Variants in NEBL observed in about 807,000 individuals in gnomAD.
NEBL encodes the protein LIM and SH3 protein 2.
A neutral mutation model predicts 140.2 loss-of-function variants in NEBL; 122 were observed. The ratio of observed to expected loss-of-function variants is 0.87; its 90% CI spans 0.75 to 1.01. The LOEUF (loss-of-function observed/expected upper bound fraction) is 1.01, where lower values mean the gene tolerates loss of function less well. Ranked by LOEUF, NEBL falls within the 50% of genes least tolerant of loss-of-function variation. The pLI is 0.00. For synonymous variants in NEBL, 436 were observed against 398.9 expected, an observed-to-expected ratio of 1.09 and a Z score of -1.11; for missense variants, 1,365 against 1,231.3, an observed-to-expected ratio of 1.11 and a Z score of -1.62.
chr10:21,047,326 C>T lies in NEBL; in HGVS notation c.165-27125G>A, dbSNP rs1390748149. On this transcript the variant is annotated intron_variant, in intron 2 of 6. Transcript: ENST00000417816. ...CTGCCAATACTTGAACAAGTCACAT[C>T]CTTCCTGGGAGCTCTGTGCCCTAGG... Among the ~76,000 whole-genome samples the T allele has an allele frequency of 2.6e-5, 4 of 152,274 alleles. No individual in the cohort carries two copies. In the South Asian group the frequency reaches 6.2e-4, roughly 24 times the overall value.
intron 4 of NEBL, among the ~76,000 whole-genome samples, chr10:20,934,908 T>C (rs1374433800): frequency 6.6e-6 from 1 of 152,142 alleles, no homozygotes; most frequent in Non-Finnish European, 1.5e-5. Flanking sequence ...GGAAGAGAGA[T>C]CTAGGACAGT....
chr10:21,013,574 A>G (rs866081317), intron 3 of NEBL, among the ~76,000 whole-genome samples: 3 of 152,212 alleles, frequency 2.0e-5, no homozygotes, highest in South Asian at 2.1e-4. Flanking sequence ...AAGTTGTCCA[A>G]TGAGATAAGA....
At chr10:21,149,649 C>A (rs1277020486) in intron 2 of NEBL, among the ~76,000 whole-genome samples, 1 of 152,168 alleles carries the variant, frequency 6.6e-6, no homozygotes, top group Non-Finnish European at 1.5e-5. Flanking sequence ...GTTCTGTGAG[C>A]CACTCTAGCA....
At chr10:21,077,531 T>G (rs1231613212) in intron 2 of NEBL, among the ~76,000 whole-genome samples, 2 of 151,830 alleles carry the variant, frequency 1.3e-5, no homozygotes, top group Non-Finnish European at 2.9e-5. Flanking sequence ...GGCGTGAACC[T>G]GGGAGGTGGA....
intron 2 of NEBL, among the ~76,000 whole-genome samples, chr10:21,080,397 A>T (rs1836310688): frequency 6.6e-6 from 1 of 152,170 alleles, no homozygotes; most frequent in Non-Finnish European, 1.5e-5. Flanking sequence ...GGCGAATTTC[A>T]TTTTTGGGAA....
chr10:20,964,776 T>G (rs1836218983), intron 3 of NEBL, among the ~76,000 whole-genome samples: 1 of 151,984 alleles, frequency 6.6e-6, no homozygotes, highest in East Asian at 1.9e-4. Context: ...AATAATGAAG[T>G]CAACACAGAG....
chr10:21,214,265 T>G (rs1002887601), intron 3 of NEBL, among the ~76,000 whole-genome samples: 6 of 151,012 alleles, frequency 4.0e-5, no homozygotes, highest in African/African-American at 1.5e-4. Flanking sequence ...AATTAAAAAT[T>G]TGTATCTTGC....
chr10:20,997,285 C>T (rs1378594362), intron 3 of NEBL, among the ~76,000 whole-genome samples: 1 of 151,882 alleles, frequency 6.6e-6, no homozygotes, highest in Non-Finnish European at 1.5e-5. Flanking sequence ...CAATCTCTGA[C>T]CACAGCCAGT....
rs147439249 is a variant in NEBL at position 21,077,254 on chromosome 10, A to G, written c.165-57053T>C. Among the ~76,000 whole-genome samples, 1,178 of 152,226 alleles carry G rather than the reference A, an allele frequency of 7.7e-3. 52 individuals carry two copies. The East Asian group carries it at 0.11, about 14-fold the overall frequency. On this transcript the variant is annotated intron_variant, in intron 2 of 6. Transcript: ENST00000417816. ...AATAAAAAATCAAAGGAATTGGGGGAAGAAAAGCTTTGTTCCTCACTCCCT... is the reference window on the plus strand; with the variant it reads ...AATAAAAAATCAAAGGAATTGGGGGGAGAAAAGCTTTGTTCCTCACTCCCT...
At chr10:21,116,981 G>A (rs549646604) in intron 2 of NEBL, among the ~76,000 whole-genome samples, 6 of 152,084 alleles carry the variant, frequency 3.9e-5, no homozygotes, top group East Asian at 1.9e-4. Context: ...CTGAATGACC[G>A]GTAATTTTTA....
At chr10:20,895,436 T>C (rs1222200309) in intron 2 of NEBL, among the ~76,000 whole-genome samples, 8 of 152,194 alleles carry the variant, frequency 5.3e-5, no homozygotes, top group Admixed American at 5.2e-4. Context: ...TCTGCTTAAC[T>C]GTGTGACCCA....
At chr10:21,273,565 T>C (rs74123927) in intron 1 of NEBL, among the ~76,000 whole-genome samples, 5,219 of 151,270 alleles carry the variant, frequency 0.035, 277 homozygotes, top group African/African-American at 0.12. Flanking sequence ...AAGTGGACAG[T>C]CCCTCCCTAT....
chr10:21,186,873 GA>G (rs111427206), intron 3 of NEBL, among the ~76,000 whole-genome samples: 1 of 150,650 alleles, frequency 6.6e-6, no homozygotes. Context: ...AATGACAAGG[GA>G]AAAAAAAGCC....
chr10:21,104,084 CT>C (rs1837599898), intron 2 of NEBL, among the ~76,000 whole-genome samples: 1 of 152,186 alleles, frequency 6.6e-6, no homozygotes, highest in Non-Finnish European at 1.5e-5. Context: ...AACTTGGTGT[CT>C]TTGTGGAAAA....
chr10:20,866,187 A>AT (rs1220530299), intron 7 of NEBL, among the ~76,000 whole-genome samples: 16 of 152,014 alleles, frequency 1.1e-4, no homozygotes, highest in East Asian at 3.9e-4. Context: ...TTTTATCATT[A>AT]TTTTTTCATA....
chr10:20,975,617 C>G (rs1190096854), intron 3 of NEBL, among the ~76,000 whole-genome samples: 3 of 152,096 alleles, frequency 2.0e-5, no homozygotes, highest in Non-Finnish European at 4.4e-5. Flanking sequence ...CAGAGTATAA[C>G]GAAACCCACG....
chr10:21,093,447 C>T (rs986227289), intron 2 of NEBL, among the ~76,000 whole-genome samples: 2 of 152,132 alleles, frequency 1.3e-5, no homozygotes, highest in Admixed American at 1.3e-4. Context: ...GAACCAGACG[C>T]CCAAAGCCAA....
rs1468180074 is a variant in NEBL, at chr10:20,780,184, G to A, written c.*5563C>T. 1 of 152,124 alleles carries A rather than the reference G, an allele frequency of 6.6e-6. No individual in the cohort carries two copies. Among genetic ancestry groups the A allele is most frequent in the Non-Finnish European group, 1.5e-5 (1 of 68,022 alleles). The allele number at this position is 152,124 out of a possible 1,614,324, so 9.4% of individuals were successfully genotyped here. A position where few individuals can be genotyped will look rare whatever the true frequency, so the allele number is the denominator to read the frequency against. ...GGGGGGAGAAAAGCAATTGTGTTCT[G>A]TGATAAATGAGCCTTTCTTAGCTGA... On this transcript the variant is annotated 3_prime_UTR_variant, in exon 28 of 28. Coordinates refer to ENST00000377122, the MANE Select transcript of NEBL (RefSeq NM_006393.3).
chr10:21,065,839 T>C (rs1009739745), intron 2 of NEBL, among the ~76,000 whole-genome samples: 7 of 152,196 alleles, frequency 4.6e-5, no homozygotes, highest in African/African-American at 1.7e-4. Context: ...GAACAGTCCC[T>C]GGAAGAGAAA....
Sources: gnomAD v4.1 joint callset for allele counts (sites outside exome capture counted in the v4.1 genomes callset) on GRCh38, gnomAD v4.1.1 for gene constraint, MANE v1.5 for transcripts, NCBI Gene and HGNC (gene_info 2026-07-23, HGNC 2026-07-21) for gene names.